ABHD15: variants seen among roughly 807,000 people sequenced by gnomAD.
The protein encoded by ABHD15 is abhydrolase domain containing 15, also known as protein ABHD15.
A neutral mutation model predicts 34.4 loss-of-function variants in ABHD15; 34 were observed. The observed-to-expected ratio is 0.99, with a 90% CI of 0.75 to 1.32. The LOEUF is 1.32. Among genes scored for constraint, ABHD15 ranks in the 40% most tolerant of loss-of-function variants. The pLI is 0.00. For synonymous variants in ABHD15, 314 were observed against 299.2 expected (o/e 1.05, Z -0.51); for missense variants, 644 against 650.4 (o/e 0.99, Z 0.11).
chr17:29,561,716 A>G lies in ABHD15; in HGVS notation c.*845T>C, dbSNP rs2032630223. ...AGAAAGTCCATATCTCAGGAGATAA[A>G]CAGTTCTGGCTGCAGCTCTCTGGAG... On this transcript the variant is annotated 3_prime_UTR_variant, in exon 2 of 2. Transcript: ENST00000307201. 6.6e-6 allele frequency: 1 copy of G among 152,606 alleles called. No homozygotes were observed. Among genetic ancestry groups the G allele is most frequent in the African/African-American group, 2.4e-5 (1 of 41,450 alleles). 9.5% of individuals were successfully genotyped at this position (152,606 alleles called of 1,614,324 possible). A position where few individuals can be genotyped will look rare whatever the true frequency, so the allele number is the denominator to read the frequency against.
rs748501993 is a variant in ABHD15 at position 29,562,728 on chromosome 17, C to T, written c.1240G>A (p.Ala414Thr). 40 of 1,614,160 alleles carry T rather than the reference C, an allele frequency of 2.5e-5. No individual in the cohort carries two copies. Among genetic ancestry groups the T allele is most frequent in the Non-Finnish European group, 3.3e-5 (39 of 1,180,032 alleles). The change falls in exon 2 of 2, where the codon GCC (alanine) becomes ACC (threonine). Residue 414 changes from alanine (A) to threonine (T), a missense_variant. Ala to Thr is a moderately conservative substitution (Grantham distance 58). Transcript: ENST00000307201. Reference protein sequence around the residue: ...SHEVILESFRALTEFFRTEER... With the variant: ...SHEVILESFRTLTEFFRTEER... ...TCCGTTCGGAAGAACTCAGTCAAGG[C>T]CCGGAAGGACTCCAAGATGACCTCA...
rs747952644 is a variant in ABHD15, at chr17:29,562,525, T to A, written c.*36A>T. 5.1e-6 allele frequency: 8 copies of A among 1,576,528 alleles called. No homozygotes were observed. Among genetic ancestry groups the A allele is most frequent in the Non-Finnish European group, 5.2e-6 (6 of 1,160,666 alleles). On this transcript the variant is annotated 3_prime_UTR_variant, in exon 2 of 2. Coordinates refer to ENST00000307201, the MANE Select transcript of ABHD15 (RefSeq NM_198147.3). ...ACTCCCCCTTGCCCAGCTCTGTTTT[T>A]CTTTGCAGGACTTGGGGGTTCTCAG...
chr17:29,566,375 CG>C lies in ABHD15; in HGVS notation c.591del (p.His197GlnfsTer38), dbSNP rs758342598. On this transcript the variant is annotated frameshift_variant, in exon 1 of 2. Transcript: ENST00000307201. LOFTEE classifies it high-confidence loss of function. ...AGCCGGGGGCTGACCAGTGGGCAAC[CG>C]TGGTGGCCGCGGCGATGGAAGATGA... Reference protein sequence around the residue: ...YPVIFHRRGHHGCPLVSPRLQ... With the variant: ...YPVIFHRRGHXGCPLVSPRLQ... 4 of 1,610,724 alleles carry C rather than the reference CG, an allele frequency of 2.5e-6. No homozygotes were observed. The East Asian group carries it at 8.9e-5, about 36-fold the overall frequency.
In ABHD15 at chr17:29,566,232, G is replaced by C. The variant is rs749147531; in HGVS notation, c.735C>G (p.Ser245=). ...SEGSGSALLL[S]YLGECGSSSY... is the part of the protein sequence containing the mutation. Reference sequence around the variant, plus strand: ...TGGAGGAGCCGCACTCGCCCAGGTAGGACAGGAGCAGCGCCGAGCCCGAGC... The same window carrying C: ...TGGAGGAGCCGCACTCGCCCAGGTACGACAGGAGCAGCGCCGAGCCCGAGC... Residue 245 remains serine, a synonymous_variant, in exon 1 of 2, where the codon TCC becomes TCG. Transcript: ENST00000307201. The C allele has an allele frequency of 2.5e-6, 4 of 1,610,924 alleles. No homozygotes were observed. The highest frequency in any genetic ancestry group is 1.7e-5 in the Admixed American group (1 of 59,774).
intron 1 of ABHD15, among the ~76,000 whole-genome samples, chr17:29,564,964 C>T (rs548200746): frequency 6.6e-6 from 1 of 152,050 alleles, no homozygotes; most frequent in African/African-American, 2.4e-5. Flanking sequence ...CCTCAAAAAA[C>T]AAACAAACAG....
At position 29,562,625 on chromosome 17, in the gene ABHD15, C is replaced by G. The variant is rs62070804; in HGVS notation, c.1343G>C (p.Arg448Pro). 6.2e-7 allele frequency: 1 copy of G among 1,614,038 alleles called. No individual in the cohort carries two copies. The highest frequency in any genetic ancestry group is 1.1e-5 in the South Asian group (1 of 91,076). Reference sequence around the variant, plus strand: ...CAGGTTGGAAGAGGAAGAGACTTCCCGCCTCTGCAAGGCTCCCCCACGACG... The same window carrying G: ...CAGGTTGGAAGAGGAAGAGACTTCCGGCCTCTGCAAGGCTCCCCCACGACG... The part of the protein sequence containing the change: ...GRRRGGALQR[R>P]EVSSSSNLEE... Residue 448 changes from arginine (R) to proline (P), a missense_variant, in exon 2 of 2, where the codon CGG (arginine) becomes CCG (proline). Arg to Pro is a moderately radical substitution (Grantham distance 103). Coordinates refer to ENST00000307201, the MANE Select transcript of ABHD15 (RefSeq NM_198147.3).
intron 1 of ABHD15, among the ~76,000 whole-genome samples, chr17:29,564,083 C>T (rs2032669146): frequency 6.6e-6 from 1 of 152,206 alleles, no homozygotes; most frequent in South Asian, 2.1e-4. Flanking sequence ...CATTTGACTT[C>T]ACAGCTGCTG....
chr17:29,565,925 T>TG, intron 1 of ABHD15, 161 bp downstream of exon 1: 1 of 968,416 alleles, frequency 1.0e-6, no homozygotes, highest in African/African-American at 1.7e-5. Flanking sequence ...TCCCCGGTTC[T>TG]GTCTAGATTA....
At position 29,566,907 on chromosome 17, in the gene ABHD15, C is replaced by A; in HGVS notation, c.60G>T (p.Leu20=). ...LILAVLALLG[L]LGPRLRGPWG... is the part of the protein sequence containing the mutation. ...AGGGTCCCCGGAGCCGCGGGCCGAG[C>A]AGGCCGAGAAGGGCGAGCACGGCCA... The change falls in exon 1 of 2, where the codon CTG becomes CTT. Residue 20 remains leucine (L), a synonymous_variant. Transcript: ENST00000307201. The A allele has an allele frequency of 2.0e-6, 3 of 1,490,044 alleles. No individual in the cohort carries two copies. Among genetic ancestry groups the A allele is most frequent in the Non-Finnish European group, 2.7e-6 (3 of 1,128,800 alleles). The allele number at this position is 1,490,044 out of a possible 1,614,324, so 92.3% of individuals were successfully genotyped here.
intron 1 of ABHD15, among the ~76,000 whole-genome samples, chr17:29,565,873 C>G (rs1877797803): frequency 1.3e-5 from 2 of 152,230 alleles, no homozygotes; most frequent in South Asian, 4.1e-4. Context: ...TGCTCTAGCA[C>G]AGCGATACTA....
intron 1 of ABHD15, among the ~76,000 whole-genome samples, chr17:29,565,208 G>A (rs542509598): frequency 1.3e-5 from 2 of 151,990 alleles, no homozygotes; most frequent in Admixed American, 6.6e-5. Flanking sequence ...ACAGTGAGCC[G>A]AGATCATGTC....
rs942307359 is a variant in ABHD15, at chr17:29,561,397, A to G, written c.*1164T>C. 4.6e-5 allele frequency: 7 copies of G among 152,248 alleles called. No individual in the cohort carries two copies. Among genetic ancestry groups the G allele is most frequent in the African/African-American group, 1.7e-4 (7 of 41,468 alleles). 9.4% of individuals were successfully genotyped at this position (152,248 alleles called of 1,614,324 possible). A position where few individuals can be genotyped will look rare whatever the true frequency, so the allele number is the denominator to read the frequency against. The stretch of plus-strand genomic sequence containing the variant: ...ATATACTATATCTCTAGTCCTCAGC[A>G]TTATTCTTCATAAAACCAAATACCC... On this transcript the variant is annotated 3_prime_UTR_variant, in exon 2 of 2. Transcript: ENST00000307201.
At position 29,566,313 on chromosome 17, in the gene ABHD15, C is replaced by A. The variant is rs1462200292; in HGVS notation, c.654G>T (p.Ala218=). The change falls in exon 1 of 2, where the codon GCG becomes GCT. Residue 218 remains alanine, a synonymous_variant. Coordinates refer to ENST00000307201, the MANE Select transcript of ABHD15 (RefSeq NM_198147.3). ...PFGDPSDLKE[A]VTYIRFRHPA... is the part of the protein sequence containing the mutation. ...GGTGTCGGAAGCGGATGTATGTGAC[C>A]GCCTCCTTGAGGTCGGACGGGTCCC... The A allele has an allele frequency of 2.5e-6, 4 of 1,611,710 alleles. No homozygotes were observed. In the South Asian group the frequency reaches 3.3e-5, roughly 13 times the overall value.
In ABHD15 at chr17:29,566,086, C is replaced by A; in HGVS notation, c.881G>T (p.Arg294Met). The change falls in exon 1 of 2, where the codon AGG becomes ATG. Residue 294 changes from arginine (R) to methionine (M), a missense_variant and splice_region_variant. By Grantham distance (91) the Arg-to-Met change is moderately conservative. Coordinates refer to ENST00000307201, the MANE Select transcript of ABHD15 (RefSeq NM_198147.3). ...FLLHQKIALS[R>M]YATALEDTVD... ...CTGGTCTGCGGCCTCCGTTACCCAC[C>A]TGCTGAGGGCGATCTTCTGGTGGAG... 6.5e-7 allele frequency: 1 copy of A among 1,528,598 alleles called. No homozygotes were observed. 94.7% of individuals were successfully genotyped at this position (1,528,598 alleles called of 1,614,324 possible). A position where few individuals can be genotyped will look rare whatever the true frequency, so the allele number is the denominator to read the frequency against.
At position 29,562,769 on chromosome 17, in the gene ABHD15, A is replaced by G; in HGVS notation, c.1199T>C (p.Leu400Ser). The G allele has an allele frequency of 1.2e-6, 2 of 1,613,830 alleles. No individual in the cohort carries two copies. Among genetic ancestry groups the G allele is most frequent in the Non-Finnish European group, 1.7e-6 (2 of 1,179,796 alleles). Residue 400 changes from leucine to serine, a missense_variant, in exon 2 of 2, where the codon TTG becomes TCG. Leu to Ser is a moderately radical substitution (Grantham distance 145). Transcript: ENST00000307201. ...GHCGFLRQEP[L>S]PAWSHEVILE... ...GATGACCTCATGGCTCCAGGCTGGC[A>G]AGGGCTCCTGGCGCAGGAAGCCACA... is the stretch of plus-strand genomic sequence containing the variant.
At position 29,566,376 on chromosome 17, in the gene ABHD15, G is replaced by T. The variant is rs775785487; in HGVS notation, c.591C>A (p.His197Gln). The change falls in exon 1 of 2, where the codon CAC (histidine) becomes CAA (glutamine). Residue 197 changes from histidine to glutamine, a missense_variant. His to Gln is a conservative substitution (Grantham distance 24). Transcript: ENST00000307201. ...YPVIFHRRGH[H>Q]GCPLVSPRLQ... ...GCCGGGGGCTGACCAGTGGGCAACC[G>T]TGGTGGCCGCGGCGATGGAAGATGA... The T allele has an allele frequency of 6.2e-7, 1 of 1,610,858 alleles. No homozygotes were observed. Among genetic ancestry groups the T allele is most frequent in the Non-Finnish European group, 8.5e-7 (1 of 1,178,502 alleles).
At position 29,563,031 on chromosome 17, in the gene ABHD15, A is replaced by C. The variant is rs1210134193; in HGVS notation, c.937T>G (p.Ser313Ala). The change falls in exon 2 of 2, where the codon TCC (serine) becomes GCC (alanine). Residue 313 changes from serine (S) to alanine (A), a missense_variant. Ser to Ala is a moderately conservative substitution (Grantham distance 99). Coordinates refer to ENST00000307201, the MANE Select transcript of ABHD15 (RefSeq NM_198147.3). ...VDTSRLFRSR[S>A]LREFEEALFC... ...AGAGCCTCCTCAAACTCTCGAAGGG[A>C]ACGGCTCCTGAACAGTCTGCTGGTG... The C allele has an allele frequency of 6.2e-7, 1 of 1,611,832 alleles. No homozygotes were observed. The highest frequency in any genetic ancestry group is 8.5e-7 in the Non-Finnish European group (1 of 1,179,920).
chr17:29,561,253 G>A lies in ABHD15; in HGVS notation c.*1308C>T, dbSNP rs975591783. 6.6e-6 allele frequency: 1 copy of A among 151,958 alleles called. No individual in the cohort carries two copies. The highest frequency in any genetic ancestry group is 2.4e-5 in the African/African-American group (1 of 41,338). The allele number at this position is 151,958 out of a possible 1,614,324, so 9.4% of individuals were successfully genotyped here. A position where few individuals can be genotyped will look rare whatever the true frequency, so the allele number is the denominator to read the frequency against. ...AATGACGATTAAAATAAAACTTCAG[G>A]GCAAAGTTTTTGAATCTTAGCAACA... On this transcript the variant is annotated 3_prime_UTR_variant, in exon 2 of 2. Coordinates refer to ENST00000307201, the MANE Select transcript of ABHD15 (RefSeq NM_198147.3).
intron 1 of ABHD15, among the ~76,000 whole-genome samples, chr17:29,563,384 TAAA>T (rs34446912): frequency 9.9e-5 from 12 of 121,512 alleles, no homozygotes; most frequent in African/African-American, 1.2e-4. Flanking sequence ...AACCCATCTC[TAAA>T]AAAAAAAAAA....
Sources: gnomAD v4.1 joint callset for allele counts (sites outside exome capture counted in the v4.1 genomes callset) on GRCh38, gnomAD v4.1.1 for gene constraint, MANE v1.5 for transcripts, NCBI Gene and HGNC (gene_info 2026-07-23, HGNC 2026-07-21) for gene names.